The following MBOAT1 variants were observed in gnomAD, a reference collection of about 807,000 sequenced individuals.
MBOAT1 encodes membrane bound glycerophospholipid O-acyltransferase 1, also known as membrane-bound glycerophospholipid O-acyltransferase 1.
In MBOAT1, 67 loss-of-function variants were observed where a neutral mutation model predicts 64.4. The observed-to-expected ratio is 1.04, with a 90% CI of 0.85 to 1.27. The LOEUF is 1.27. Among genes scored for constraint, MBOAT1 ranks in the 50% most tolerant of loss-of-function variants. MBOAT1 has a pLI of 0.00. For missense variants in MBOAT1, 563 were observed against 604.6 expected (o/e 0.93, Z 0.72); for synonymous variants, 229 against 218.9 (o/e 1.05, Z -0.41).
At chr6:20,152,839 T>C in intron 1 of MBOAT1, 70 bp from the exon 2 acceptor site, 3 of 1,513,136 alleles carry the variant, frequency 2.0e-6, no homozygotes, top group Non-Finnish European at 2.7e-6. Context: ...TTGTTTTGTT[T>C]TGTTTTGTTT....
chr6:20,211,938 GA>G (rs1289310009), intron 1 of MBOAT1, 197 bp downstream of exon 1: 2 of 536,128 alleles, frequency 3.7e-6, no homozygotes, highest in Non-Finnish European at 6.6e-6. Context: ...CTTACAAGGA[GA>G]AAAACACTAA....
chr6:20,106,413 G>A (rs1035914130), intron 12 of MBOAT1, among the ~76,000 whole-genome samples: 26 of 152,012 alleles, frequency 1.7e-4, no homozygotes, highest in Middle Eastern at 3.4e-3. Flanking sequence ...GATCATTTCC[G>A]TCATCATAGA....
chr6:20,107,309 C>A (rs754299867), intron 12 of MBOAT1, among the ~76,000 whole-genome samples: 1 of 152,154 alleles, frequency 6.6e-6, no homozygotes, highest in East Asian at 1.9e-4. Flanking sequence ...CTCGGAGCTT[C>A]GTGCTACACT....
chr6:20,128,442 ATTCTAC>A (rs1372547998), intron 6 of MBOAT1, among the ~76,000 whole-genome samples: 1 of 152,138 alleles, frequency 6.6e-6, no homozygotes, highest in Non-Finnish European at 1.5e-5. Context: ...TGACCTAACG[ATTCTAC>A]TTCTGAGACT....
At chr6:20,168,747 GAGGA>G (rs58240704) in intron 1 of MBOAT1, among the ~76,000 whole-genome samples, 5 of 88,882 alleles carry the variant, frequency 5.6e-5, no homozygotes, top group African/African-American at 2.2e-4. Context: ...GGGAGGGAGG[GAGGA>G]AGGAAGGGAG....
intron 5 of MBOAT1, among the ~76,000 whole-genome samples, chr6:20,130,422 C>T (rs1337510401): frequency 2.0e-5 from 3 of 152,066 alleles, no homozygotes; most frequent in Non-Finnish European, 4.4e-5. Flanking sequence ...GGCGCGATCT[C>T]GGCTCACTGC....
rs953957772 is a variant in MBOAT1, at chr6:20,131,044, C to T, written c.475+100G>A. On this transcript the variant is annotated intron_variant, in intron 5 of 12. Coordinates refer to ENST00000324607, the MANE Select transcript of MBOAT1 (RefSeq NM_001080480.3). ...TTGAACAAGATAAAGCAAGATCTGC[C>T]AGCATTTGTCTAAACTTTGGACTGT... 4 of 1,027,028 alleles carry T rather than the reference C, an allele frequency of 3.9e-6. No individual in the cohort carries two copies. In the African/African-American group the frequency reaches 4.8e-5, roughly 12 times the overall value. The allele number at this position is 1,027,028 out of a possible 1,614,324, so 63.6% of individuals were successfully genotyped here.
chr6:20,109,923 T>G (rs1760080026), intron 11 of MBOAT1, among the ~76,000 whole-genome samples, 174 bp from the exon 12 acceptor site: 2 of 146,042 alleles, frequency 1.4e-5, no homozygotes, highest in Admixed American at 1.4e-4. Context: ...TTTTTTTTTT[T>G]TTTTGAGATG....
chr6:20,207,727 C>G (rs1227244413), intron 1 of MBOAT1, among the ~76,000 whole-genome samples: 1 of 152,206 alleles, frequency 6.6e-6, no homozygotes, highest in Non-Finnish European at 1.5e-5. Flanking sequence ...AGCAAGATAA[C>G]TAACAATATA....
chr6:20,165,888 T>C (rs1762003503), intron 1 of MBOAT1, among the ~76,000 whole-genome samples: 1 of 152,078 alleles, frequency 6.6e-6, no homozygotes, highest in East Asian at 1.9e-4. Flanking sequence ...GAGAACTACA[T>C]ACAAATGAAG....
rs1227566039 is a variant in MBOAT1, at chr6:20,184,124, TA to T, written c.99+28011del. Among the ~76,000 whole-genome samples the T allele has an allele frequency of 2.6e-5, 4 of 152,336 alleles. No homozygotes were observed. The East Asian group carries it at 7.7e-4, about 29-fold the overall frequency. The stretch of plus-strand genomic sequence containing the variant: ...AGCCAAACCATGTTACTCTTCCGTT[TA>T]AATTTAACAGTATTTTAGCAATGCA... On this transcript the variant is annotated intron_variant, in intron 1 of 12. Coordinates refer to ENST00000324607, the MANE Select transcript of MBOAT1 (RefSeq NM_001080480.3).
intron 4 of MBOAT1, among the ~76,000 whole-genome samples, chr6:20,138,011 T>C (rs1175001260): frequency 6.6e-6 from 1 of 152,194 alleles, no homozygotes; most frequent in Admixed American, 6.5e-5. Flanking sequence ...CTCGCATGCC[T>C]GTAATGAGAA....
chr6:20,152,463 C>A (rs916195025), intron 2 of MBOAT1, among the ~76,000 whole-genome samples, 161 bp downstream of exon 2: 2 of 151,554 alleles, frequency 1.3e-5, no homozygotes, highest in Non-Finnish European at 2.9e-5. Context: ...AATGGAGAGT[C>A]CTGCAATGTC....
In MBOAT1 at chr6:20,212,261, CT is replaced by C. The variant is rs1164211386; in HGVS notation, c.-28del. 2 of 1,596,542 alleles carry C rather than the reference CT, an allele frequency of 1.3e-6. No individual in the cohort carries two copies. The highest frequency in any genetic ancestry group is 2.2e-5 in the East Asian group (1 of 44,452). ...CTGCATCTTCGGGAGGTGGCTGCCC[CT>C]GTCCCAGCCCGCAACACCCCCTGCT... On this transcript the variant is annotated 5_prime_UTR_variant, in exon 1 of 13. Transcript: ENST00000324607.
chr6:20,127,108 C>T (rs918692562), intron 6 of MBOAT1, among the ~76,000 whole-genome samples: 6 of 152,170 alleles, frequency 3.9e-5, no homozygotes, highest in Non-Finnish European at 7.3e-5. Context: ...AACTCCCTCC[C>T]GATTGCCAAC....
intron 1 of MBOAT1, among the ~76,000 whole-genome samples, chr6:20,197,245 G>A (rs529296550): frequency 2.0e-5 from 3 of 152,216 alleles, no homozygotes; most frequent in Admixed American, 2.0e-4. Context: ...TGCCTCCAGT[G>A]AAAGGAAAAT....
chr6:20,113,140 C>T (rs759214413), intron 10 of MBOAT1, 132 bp from the exon 11 acceptor site: 155 of 1,115,696 alleles, frequency 1.4e-4, no homozygotes, highest in Middle Eastern at 6.1e-4. Context: ...TAACCGTCTT[C>T]GGGGACTTGC....
At chr6:20,152,894 G>T in intron 1 of MBOAT1, 125 bp from the exon 2 acceptor site, 1 of 992,088 alleles carries the variant, frequency 1.0e-6, no homozygotes, top group Non-Finnish European at 1.4e-6. Flanking sequence ...GTGCAGTGGC[G>T]CAAACTCGGC....
At chr6:20,146,315 G>C (rs1761323961) in intron 3 of MBOAT1, among the ~76,000 whole-genome samples, 1 of 152,138 alleles carries the variant, frequency 6.6e-6, no homozygotes, top group South Asian at 2.1e-4. Flanking sequence ...CGGTAGCAAG[G>C]GATAGCCAGA....
Sources: gnomAD v4.1 joint callset for allele counts (sites outside exome capture counted in the v4.1 genomes callset) on GRCh38, gnomAD v4.1.1 for gene constraint, MANE v1.5 for transcripts, NCBI Gene and HGNC (gene_info 2026-07-23, HGNC 2026-07-21) for gene names.